The following SDC1 variants were observed in gnomAD, a reference collection of about 807,000 sequenced individuals.
The protein encoded by SDC1 is syndecan-1.
In SDC1, 14 loss-of-function variants were observed where a neutral mutation model predicts 29.7. The ratio of observed to expected loss-of-function variants is 0.47; its 90% confidence interval spans 0.31 to 0.74. SDC1 has a LOEUF of 0.74. Ranked by LOEUF, SDC1 falls within the 30% of genes least tolerant of loss-of-function variation. The pLI, the probability that SDC1 is intolerant of heterozygous loss-of-function variation, is 0.05. For synonymous variants in SDC1, 204 were observed against 175.5 expected, an observed-to-expected ratio of 1.16 and a Z score of -1.29; for missense variants, 406 against 400.3, an observed-to-expected ratio of 1.01 and a Z score of -0.12.
intron 1 of SDC1, chr2:20,223,108 G>A (rs955763196): frequency 1.7e-5 from 8 of 465,264 alleles, no homozygotes; most frequent in South Asian, 1.9e-5. Flanking sequence ...GGCCCTCCCC[G>A]TGCTCCCAGA....
At chr2:20,225,138 C>A (rs1054453620), upstream of SDC1, 1 of 271,818 alleles carries the variant, frequency 3.7e-6, no homozygotes, top group Non-Finnish European at 6.7e-6. Flanking sequence ...ACTGGCCCCC[C>A]ACCCCCAGCT....
At chr2:20,209,312 G>C (rs1301625482) in intron 1 of SDC1, among the ~76,000 whole-genome samples, 2 of 152,192 alleles carry the variant, frequency 1.3e-5, no homozygotes, top group Non-Finnish European at 1.5e-5. Flanking sequence ...TGAAAGGTGA[G>C]GGACTTGCCC....
At chr2:20,213,061 G>A (rs1448942597) in intron 1 of SDC1, among the ~76,000 whole-genome samples, 2 of 152,132 alleles carry the variant, frequency 1.3e-5, no homozygotes, top group African/African-American at 4.8e-5. Context: ...ACAGTACACC[G>A]GGGGCGTTTA....
chr2:20,210,518 A>G (rs2148288559), intron 1 of SDC1, among the ~76,000 whole-genome samples: 1 of 152,336 alleles, frequency 6.6e-6, no homozygotes, highest in East Asian at 1.9e-4. Context: ...CGCTCACCCC[A>G]GGCACTAACT....
rs1226893777 is a variant in SDC1 at position 20,205,360 on chromosome 2, A to G, written c.131T>C (p.Phe44Ser). 6.2e-7 allele frequency: 1 copy of G among 1,613,944 alleles called. No homozygotes were observed. The highest frequency in any genetic ancestry group is 1.1e-5 in the South Asian group (1 of 91,066). ...AACCTCACCTGCACCTGAGCCGGAG[A>G]AGTTGTCAGAGTCATCCCCAGAGCC... Reference protein sequence around the residue: ...QDGSGDDSDNFSGSGAGALQD... With the variant: ...QDGSGDDSDNSSGSGAGALQD... The change falls in exon 2 of 5, where the codon TTC (phenylalanine) becomes TCC (serine). Residue 44 changes from phenylalanine to serine, a missense_variant. Transcript: ENST00000254351.
At chr2:20,211,746 G>A (rs1218921796) in intron 1 of SDC1, among the ~76,000 whole-genome samples, 1 of 152,252 alleles carries the variant, frequency 6.6e-6, no homozygotes, top group African/African-American at 2.4e-5. Flanking sequence ...TGCTTTTCCA[G>A]GGGTACCAGT....
intron 1 of SDC1, among the ~76,000 whole-genome samples, chr2:20,216,347 A>G (rs1677625905): frequency 6.6e-6 from 1 of 151,108 alleles, no homozygotes; most frequent in Non-Finnish European, 1.5e-5. Flanking sequence ...TGCCGCCCGG[A>G]CCCTCCCCGA....
At chr2:20,206,916 G>T (rs745401936) in intron 1 of SDC1, among the ~76,000 whole-genome samples, 6 of 152,276 alleles carry the variant, frequency 3.9e-5, no homozygotes, top group African/African-American at 1.4e-4. Context: ...TGTCTAGAAA[G>T]AGGGTGAAAG....
chr2:20,219,179 A>C (rs1677732410), intron 1 of SDC1, among the ~76,000 whole-genome samples: 2 of 150,394 alleles, frequency 1.3e-5, no homozygotes, highest in Admixed American at 6.6e-5. Flanking sequence ...GCTTGCCCCC[A>C]CCCTTACAGG....
chr2:20,212,042 A>G (rs1677482291), intron 1 of SDC1, among the ~76,000 whole-genome samples: 1 of 152,194 alleles, frequency 6.6e-6, no homozygotes, highest in Non-Finnish European at 1.5e-5. Context: ...CTCCACCTAG[A>G]CGCCAGAAGG....
intron 1 of SDC1, among the ~76,000 whole-genome samples, chr2:20,217,183 C>G (rs973393562): frequency 6.6e-6 from 1 of 152,200 alleles, no homozygotes; most frequent in Admixed American, 6.5e-5. Context: ...TGGGACAAAA[C>G]CCTTCCTGTG....
Position 20,224,952 on chromosome 2 carries a change from C to G in SDC1, c.-85G>C. ...TTCGCGGGTTCCGCTGCTCGATGCT[C>G]TCTTGGGCGCCTGCCCAGCGCGCCG... On this transcript the variant is annotated 5_prime_UTR_variant, in exon 1 of 5. Transcript: ENST00000254351. This position sits in a 1 kb window ranked among gnomAD's most constrained non-coding sequence, Gnocchi z 4.9. 1.7e-6 allele frequency: 2 copies of G among 1,192,150 alleles called. No individual in the cohort carries two copies. The highest frequency in any genetic ancestry group is 2.1e-6 in the Non-Finnish European group (2 of 962,492). The allele number at this position is 1,192,150 out of a possible 1,614,324, so 73.8% of individuals were successfully genotyped here. A position where few individuals can be genotyped will look rare whatever the true frequency, so the allele number is the denominator to read the frequency against.
At chr2:20,212,754 G>T (rs984479517) in intron 1 of SDC1, among the ~76,000 whole-genome samples, 7 of 152,144 alleles carry the variant, frequency 4.6e-5, no homozygotes, top group Non-Finnish European at 8.8e-5. Flanking sequence ...AGGAAGAGGA[G>T]GCTGTCCCCA....
At chr2:20,222,603 A>C (rs926104678) in intron 1 of SDC1, among the ~76,000 whole-genome samples, 7 of 152,142 alleles carry the variant, frequency 4.6e-5, no homozygotes, top group African/African-American at 1.7e-4. Context: ...CTGCAGCTCC[A>C]GGGAGTCTCC....
At chr2:20,211,204 G>A (rs899194545) in intron 1 of SDC1, among the ~76,000 whole-genome samples, 18 of 152,126 alleles carry the variant, frequency 1.2e-4, no homozygotes, top group African/African-American at 3.1e-4. Flanking sequence ...CGAGTTCCCC[G>A]CCCAGAGGCT....
chr2:20,219,782 T>C (rs550245075), intron 1 of SDC1, among the ~76,000 whole-genome samples: 1 of 152,188 alleles, frequency 6.6e-6, no homozygotes, highest in African/African-American at 2.4e-5. Context: ...CGGGCAACAG[T>C]TGAAGCCCGG....
At chr2:20,217,352 A>G (rs3755300) in intron 1 of SDC1, among the ~76,000 whole-genome samples, 47,401 of 152,054 alleles carry the variant, frequency 0.31, 7,556 homozygotes, top group Middle Eastern at 0.38. Context: ...CACAGCAGGT[A>G]CCCAGGATCT....
In SDC1 at chr2:20,202,054, A is replaced by G. The variant is rs886616365; in HGVS notation, c.*712T>C. 11 of 544,354 alleles carry G rather than the reference A, an allele frequency of 2.0e-5. No individual in the cohort carries two copies. In the African/African-American group the frequency reaches 2.1e-4, roughly 11 times the overall value. 33.7% of individuals were successfully genotyped at this position (544,354 alleles called of 1,614,324 possible). A position where few individuals can be genotyped will look rare whatever the true frequency, so the allele number is the denominator to read the frequency against. On this transcript the variant is annotated 3_prime_UTR_variant, in exon 5 of 5. Coordinates refer to ENST00000254351, the MANE Select transcript of SDC1 (RefSeq NM_002997.5). ...CGACAAACTCAAGAGACAACACACA[A>G]ACTAAGCCTACATTTTGGCTTCCAG... is the stretch of plus-strand genomic sequence containing the variant.
rs1677045502 is a variant in SDC1, at chr2:20,202,370, G to A, written c.*396C>T. 1 of 745,666 alleles carries A rather than the reference G, an allele frequency of 1.3e-6. No individual in the cohort carries two copies. Among genetic ancestry groups the A allele is most frequent in the Admixed American group, 1.9e-5 (1 of 53,266 alleles). 46.2% of individuals were successfully genotyped at this position (745,666 alleles called of 1,614,324 possible). On this transcript the variant is annotated 3_prime_UTR_variant, in exon 5 of 5. Transcript: ENST00000254351. ...GGTCCTACCAGTAAGTGCTACAGGT[G>A]TGTGAGCCCCAAGCCCCACCCGCAG...
Sources: gnomAD v4.1 joint callset for allele counts (sites outside exome capture counted in the v4.1 genomes callset) on GRCh38, gnomAD v4.1.1 for gene constraint, Gnocchi (gnomAD v3.1) non-coding constraint, MANE v1.5 for transcripts, NCBI Gene and HGNC (gene_info 2026-07-23, HGNC 2026-07-21) for gene names.